ATG2B: variants seen among roughly 807,000 people sequenced by gnomAD.
ATG2B encodes autophagy-related protein 2 homolog B.
ATG2B carries 121 observed loss-of-function variants against 241.3 expected under a neutral mutation model. The ratio of observed to expected loss-of-function variants is 0.50; its 90% confidence interval spans 0.43 to 0.58. The LOEUF is 0.58. Ranked by LOEUF, ATG2B falls within the 20% of genes least tolerant of loss-of-function variation. The pLI is 0.00. For missense variants in ATG2B, 2,306 were observed against 2,491.6 expected (o/e 0.93, Z 1.59); for synonymous variants, 858 against 876.6 (o/e 0.98, Z 0.37).
intron 6 of ATG2B, 60 bp downstream of exon 6, chr14:96,341,461 GA>G (rs1193490903): frequency 2.3e-6 from 3 of 1,330,176 alleles, no homozygotes; most frequent in Non-Finnish European, 3.1e-6. Flanking sequence ...TCACTGCATA[GA>G]ATAAAGAATA....
intron 1 of ATG2B, 85 bp from the exon 2 acceptor site, chr14:96,347,426 A>G: frequency 9.2e-7 from 1 of 1,082,600 alleles, no homozygotes; most frequent in African/African-American, 1.6e-5. Flanking sequence ...AAATATGCCC[A>G]CACATGTTAG....
rs1566725093 is a variant in ATG2B, at chr14:96,322,666, CTCT to C, written c.2607_2609del (p.Glu871del). 11 of 1,613,728 alleles carry C rather than the reference CTCT, an allele frequency of 6.8e-6. No homozygotes were observed. The Admixed American group carries it at 8.3e-5, about 12-fold the overall frequency. On this transcript the variant is annotated inframe_deletion, in exon 17 of 42. Transcript: ENST00000359933. ...CCTCCTGGTAGTGACCATCATTCTC[CTCT>C]TCTTCTTCAGCTGCAATTCTCTCCA...
chr14:96,334,486 G>T lies in ATG2B; in HGVS notation c.940C>A (p.Gln314Lys). The T allele has an allele frequency of 6.3e-7, 1 of 1,593,136 alleles. No individual in the cohort carries two copies. The highest frequency in any genetic ancestry group is 8.5e-7 in the Non-Finnish European group (1 of 1,171,346). The stretch of plus-strand genomic sequence containing the variant: ...AGGAGTAGATGAATAGAGTCTATCT[G>T]TCCATCAACATCCAACTTAAGGGAA... The part of the protein sequence containing the change: ...LPGAKLDVDG[Q>K]IDSIHLLLSP... Residue 314 changes from glutamine (Q) to lysine (K), a missense_variant, in exon 7 of 42, where the codon CAG (glutamine) becomes AAG (lysine). This residue lies in a region of ATG2B where 1,927 missense variants were observed against 2,011.2 expected (regional missense o/e 0.96). Coordinates refer to ENST00000359933, the MANE Select transcript of ATG2B (RefSeq NM_018036.7).
intron 17 of ATG2B, 23 bp from the exon 18 acceptor site, chr14:96,322,277 A>C: frequency 6.1e-6 from 9 of 1,480,272 alleles, no homozygotes; most frequent in South Asian, 1.4e-5. Flanking sequence ...AGTTCAGTGC[A>C]AAAAAAAAGG....
intron 1 of ATG2B, among the ~76,000 whole-genome samples, chr14:96,350,504 AT>A (rs1033846696): frequency 6.6e-6 from 1 of 152,240 alleles, no homozygotes; most frequent in Non-Finnish European, 1.5e-5. Context: ...ATTAACTGCA[AT>A]TTCAGTGGCA....
chr14:96,295,662 C>A, intron 34 of ATG2B, 102 bp from the exon 35 acceptor site: 50 of 623,098 alleles, frequency 8.0e-5, no homozygotes, highest in East Asian at 2.0e-4. Context: ...ACTCATTGTT[C>A]AAATATAGCT....
Position 96,286,105 on chromosome 14 carries a change from C to T in ATG2B, c.6007-120G>A, listed in dbSNP as rs1886330335. 6.2e-6 allele frequency: 4 copies of T among 647,286 alleles called. No homozygotes were observed. In the East Asian group the frequency reaches 1.2e-4, roughly 19 times the overall value. The allele number at this position is 647,286 out of a possible 1,614,324, so 40.1% of individuals were successfully genotyped here. On this transcript the variant is annotated intron_variant, in intron 41 of 41. Coordinates refer to ENST00000359933, the MANE Select transcript of ATG2B (RefSeq NM_018036.7). ...AGGTAACATTATGTTTGTAACCAGA[C>T]AAAAAAAAATGCCATGCTTTTAGAT...
chr14:96,323,139 G>T (rs913948927), intron 16 of ATG2B, among the ~76,000 whole-genome samples: 4 of 152,078 alleles, frequency 2.6e-5, no homozygotes, highest in Non-Finnish European at 4.4e-5. Context: ...TATTATATCA[G>T]TTGTTCAAAG....
Position 96,334,466 on chromosome 14 carries a change from T to A in ATG2B, c.960A>T (p.Leu320=), listed in dbSNP as rs1407242447. Residue 320 remains leucine, a synonymous_variant, in exon 7 of 42, where the codon CTA becomes CTT. Coordinates refer to ENST00000359933, the MANE Select transcript of ATG2B (RefSeq NM_018036.7). The stretch of plus-strand genomic sequence containing the variant: ...AGTGCACCTGTCTTGGTGACAGGAG[T>A]AGATGAATAGAGTCTATCTGTCCAT... The part of the protein sequence containing the change: ...DVDGQIDSIH[L]LLSPRQVHLL... 3 of 1,608,456 alleles carry A rather than the reference T, an allele frequency of 1.9e-6. No individual in the cohort carries two copies. In the African/African-American group the frequency reaches 4.0e-5, roughly 22 times the overall value.
chr14:96,327,555 T>C (rs1566726667), intron 14 of ATG2B, among the ~76,000 whole-genome samples: 1 of 152,144 alleles, frequency 6.6e-6, no homozygotes, highest in Non-Finnish European at 1.5e-5. Flanking sequence ...TTCAAGTAAC[T>C]TATCAAATGT....
At chr14:96,344,777 T>C (rs1256894686) in intron 3 of ATG2B, 21 bp from the exon 4 acceptor site, 5 of 1,224,826 alleles carry the variant, frequency 4.1e-6, no homozygotes, top group Non-Finnish European at 5.8e-6. Context: ...CAAGTAATTG[T>C]CAACGTAAGA....
chr14:96,314,091 A>T (rs1003610454), intron 23 of ATG2B, among the ~76,000 whole-genome samples: 5 of 152,206 alleles, frequency 3.3e-5, no homozygotes, highest in African/African-American at 1.2e-4. Context: ...GGTTCTGCTA[A>T]ATGTCTCCCT....
chr14:96,300,305 A>G (rs1017498966), intron 34 of ATG2B, among the ~76,000 whole-genome samples: 2 of 152,198 alleles, frequency 1.3e-5, no homozygotes, highest in Non-Finnish European at 2.9e-5. Flanking sequence ...GGATTACTTG[A>G]GCCCAGGAGT....
intron 14 of ATG2B, among the ~76,000 whole-genome samples, chr14:96,327,451 G>GCAC (rs1159460555): frequency 2.0e-5 from 3 of 152,000 alleles, no homozygotes; most frequent in African/African-American, 7.3e-5. Context: ...AAGACCCCAG[G>GCAC]CACCAGATGC....
chr14:96,349,715 G>A (rs758534146), intron 1 of ATG2B, among the ~76,000 whole-genome samples: 2 of 152,204 alleles, frequency 1.3e-5, no homozygotes, highest in Non-Finnish European at 2.9e-5. Flanking sequence ...AGAAACACAG[G>A]GAAGCAGGTT....
chr14:96,358,784 T>C (rs980266477), intron 1 of ATG2B, among the ~76,000 whole-genome samples: 13 of 152,208 alleles, frequency 8.5e-5, no homozygotes, highest in African/African-American at 3.1e-4. Context: ...GTCACCACTA[T>C]GCTAACGAGA....
At position 96,289,790 on chromosome 14, in the gene ATG2B, C is replaced by T; in HGVS notation, c.5872G>A (p.Ala1958Thr). 1 of 1,614,076 alleles carries T rather than the reference C, an allele frequency of 6.2e-7. No individual in the cohort carries two copies. The highest frequency in any genetic ancestry group is 1.3e-5 in the African/African-American group (1 of 75,032). ...VQTIQAAAET[A>T]YDMVSPGTLS... ...GTACCAGGAGACACCATATCATAAG[C>T]AGTCTCTGCAGCTGCCTGGATCATT... Residue 1958 changes from alanine (A) to threonine (T), a missense_variant, in exon 41 of 42, where the codon GCT (alanine) becomes ACT (threonine). By Grantham distance (58) the Ala-to-Thr change is moderately conservative. Coordinates refer to ENST00000359933, the MANE Select transcript of ATG2B (RefSeq NM_018036.7). The surrounding 1 kb of genome is among the most constrained non-coding windows in gnomAD (Gnocchi z 4.3).
At chr14:96,291,945 G>T in intron 37 of ATG2B, 84 bp downstream of exon 37, 1 of 974,630 alleles carries the variant, frequency 1.0e-6, no homozygotes, top group Non-Finnish European at 1.5e-6. Context: ...TATAAACTAT[G>T]ACAAAGCAAA....
chr14:96,310,031 G>GGAAA (rs1887106524), intron 28 of ATG2B, among the ~76,000 whole-genome samples: 1 of 152,074 alleles, frequency 6.6e-6, no homozygotes. Flanking sequence ...ACACAGCAGG[G>GGAAA]GAAATATACT....
Sources: allele counts gnomAD v4.1 joint callset (sites outside exome capture counted in the v4.1 genomes callset), GRCh38; gene constraint gnomAD v4.1.1; regional missense constraint gnomAD v4.1.1; non-coding constraint Gnocchi (gnomAD v3.1); transcripts MANE v1.5; gene names NCBI Gene and HGNC (gene_info 2026-07-23, HGNC 2026-07-21).